Variants in WDR35 observed in about 807,000 individuals in gnomAD.
The protein encoded by WDR35 is WD repeat domain 35.
A neutral mutation model predicts 158.3 loss-of-function variants in WDR35; 118 were observed. The observed-to-expected ratio is 0.75, with a 90% confidence interval of 0.64 to 0.87. The LOEUF (loss-of-function observed/expected upper bound fraction) is 0.87, where lower values mean the gene tolerates loss of function less well. WDR35 is among the 40% of genes least tolerant of loss of function. WDR35 has a pLI of 0.00. For synonymous variants in WDR35, 448 were observed against 476.1 expected, an observed-to-expected ratio of 0.94 and a Z score of 0.77; for missense variants, 1,263 against 1,405.8, an observed-to-expected ratio of 0.90 and a Z score of 1.62.
At chr2:19,933,139 C>T (rs565096503) in intron 22 of WDR35, among the ~76,000 whole-genome samples, 1 of 152,246 alleles carries the variant, frequency 6.6e-6, no homozygotes, top group Admixed American at 6.5e-5. Context: ...AGACTAAAAG[C>T]ACAAGGTTTG....
At chr2:19,954,825 T>C (rs1671371374) in intron 11 of WDR35, among the ~76,000 whole-genome samples, 1 of 152,148 alleles carries the variant, frequency 6.6e-6, no homozygotes, top group Non-Finnish European at 1.5e-5. Context: ...AATAAAAACA[T>C]GTCCACACAA....
rs1669799901 is a variant in WDR35, at chr2:19,910,595, G to A, written c.*2963C>T. On this transcript the variant is annotated 3_prime_UTR_variant, in exon 27 of 27. Transcript: ENST00000281405. Reference sequence around the variant, plus strand: ...GGAAGTCAGTACATGTTTTTTGCAAGGAGAACAACATAACTGTTTAATGAT... The same window carrying A: ...GGAAGTCAGTACATGTTTTTTGCAAAGAGAACAACATAACTGTTTAATGAT... The A allele has an allele frequency of 6.6e-6, 1 of 152,138 alleles. No homozygotes were observed. The highest frequency in any genetic ancestry group is 2.4e-5 in the African/African-American group (1 of 41,430). The allele number at this position is 152,138 out of a possible 1,614,324, so 9.4% of individuals were successfully genotyped here.
chr2:19,913,985 A>C, intron 26 of WDR35, 52 bp downstream of exon 26: 1 of 1,610,374 alleles, frequency 6.2e-7, no homozygotes, highest in Non-Finnish European at 8.5e-7. Context: ...ACATCTAGAA[A>C]TCCAAGCTTC....
intron 11 of WDR35, among the ~76,000 whole-genome samples, chr2:19,957,031 T>C (rs1173594039): frequency 6.6e-6 from 1 of 152,222 alleles, no homozygotes; most frequent in African/African-American, 2.4e-5. Context: ...GGCGTTATTG[T>C]CCTCATTTAG....
Position 19,962,392 on chromosome 2 carries a change from G to A in WDR35, c.1195-1778C>T, listed in dbSNP as rs1228227936. On this transcript the variant is annotated intron_variant, in intron 10 of 26. Transcript: ENST00000281405. Reference sequence around the variant, plus strand: ...AATTCAGTTAACTCAAAAAAGACATGACTCAACCTAATGAAAGTGGCTTAT... The same window carrying A: ...AATTCAGTTAACTCAAAAAAGACATAACTCAACCTAATGAAAGTGGCTTAT... 9 of 1,541,198 alleles carry A rather than the reference G, an allele frequency of 5.8e-6. No individual in the cohort carries two copies. The South Asian group carries it at 1.0e-4, about 17-fold the overall frequency.
At position 19,933,526 on chromosome 2, in the gene WDR35, C is replaced by T; in HGVS notation, c.2548-15G>A. ...TGTGCTATTTCCTGTACAAACAAAA[C>T]AATACTATCAGATTTCACAGACCAA... On this transcript the variant is annotated splice_polypyrimidine_tract_variant and intron_variant, in intron 21 of 26. Transcript: ENST00000281405. 1 of 1,598,528 alleles carries T rather than the reference C, an allele frequency of 6.3e-7. No individual in the cohort carries two copies. The highest frequency in any genetic ancestry group is 1.1e-5 in the South Asian group (1 of 90,826).
intron 10 of WDR35, chr2:19,962,155 T>C: frequency 4.7e-6 from 4 of 847,562 alleles, no homozygotes; most frequent in Non-Finnish European, 7.2e-6. Context: ...AAGTTTCTAT[T>C]TTTATTTTTA....
At chr2:19,946,338 C>T (rs1161362345) in intron 15 of WDR35, 123 bp downstream of exon 15, 5 of 885,024 alleles carry the variant, frequency 5.6e-6, no homozygotes, top group Non-Finnish European at 9.2e-6. Context: ...TAAAACCATA[C>T]TGAATTTTAA....
chr2:19,918,205 C>T (rs928492576), intron 25 of WDR35, among the ~76,000 whole-genome samples: 3 of 151,482 alleles, frequency 2.0e-5, no homozygotes, highest in African/African-American at 7.4e-5. Flanking sequence ...GATATTTTGT[C>T]ACCATCAGGC....
intron 25 of WDR35, among the ~76,000 whole-genome samples, chr2:19,927,842 T>G (rs1236624704): frequency 6.6e-6 from 1 of 152,196 alleles, no homozygotes; most frequent in Admixed American, 6.5e-5. Flanking sequence ...TAAAAACACT[T>G]GGAAGCCCTG....
At chr2:19,918,309 C>T (rs945028514) in intron 25 of WDR35, among the ~76,000 whole-genome samples, 3 of 152,158 alleles carry the variant, frequency 2.0e-5, no homozygotes, top group Non-Finnish European at 2.9e-5. Flanking sequence ...TAAAGAGCAT[C>T]GAAGCTATGA....
At chr2:19,975,400 A>G in intron 6 of WDR35, 130 bp downstream of exon 6, 1 of 1,195,152 alleles carries the variant, frequency 8.4e-7, no homozygotes, top group East Asian at 2.8e-5. Context: ...GGGAAAAAGA[A>G]AAAAAATCTG....
chr2:19,968,659 T>C lies in WDR35; in HGVS notation c.1008+821A>G, dbSNP rs150090041. ...GACTATAAACTGTTCCAGGCTTACC[T>C]TGTATTTTCCCTGCCCTAGTCCTAG... On this transcript the variant is annotated intron_variant, in intron 9 of 26. Transcript: ENST00000281405. Among the ~76,000 whole-genome samples, 199 of 152,316 alleles carry C rather than the reference T, an allele frequency of 1.3e-3. 2 individuals are homozygous for C. In the Middle Eastern group the frequency reaches 0.014, roughly 10 times the overall value.
At chr2:19,982,758 C>T (rs1672424885) in intron 2 of WDR35, among the ~76,000 whole-genome samples, 2 of 152,138 alleles carry the variant, frequency 1.3e-5, no homozygotes, top group African/African-American at 4.8e-5. Flanking sequence ...TTTACTCATA[C>T]ATTACATATA....
At chr2:19,973,763 C>T in intron 7 of WDR35, 55 bp from the exon 8 acceptor site, 2 of 1,565,196 alleles carry the variant, frequency 1.3e-6, no homozygotes, top group Admixed American at 1.9e-5. Context: ...GCCTAGAGAA[C>T]TTTATAATCT....
In WDR35 at chr2:19,976,404, A is replaced by G. The variant is rs541959676; in HGVS notation, c.437-741T>C. 5.2e-4 allele frequency among the ~76,000 whole-genome samples: 79 copies of G among 151,992 alleles called. No individual in the cohort carries two copies. In the South Asian group the frequency reaches 0.015, roughly 29 times the overall value. On this transcript the variant is annotated intron_variant, in intron 5 of 26. Coordinates refer to ENST00000281405, the MANE Select transcript of WDR35 (RefSeq NM_020779.4). ...CTCCCAATCTGGCTTCTGCCCCACA[A>G]CTCCATTGAAACTGCCTACAACATA...
In WDR35 at chr2:19,932,413, C is replaced by T. The variant is rs757094028; in HGVS notation, c.2693G>A (p.Ser898Asn). 7 of 1,613,240 alleles carry T rather than the reference C, an allele frequency of 4.3e-6. No individual in the cohort carries two copies. Among genetic ancestry groups the T allele is most frequent in the Admixed American group, 1.7e-5 (1 of 59,996 alleles). ...TAACAGAGATCCAATTTCTTTCATA[C>T]TATGATTTTTAGCCAATTCAACAGC... ...NKAVELAKNH[S>N]MKEIGSLLAR... Residue 898 changes from serine to asparagine, a missense_variant, in exon 23 of 27, where the codon AGT becomes AAT. By Grantham distance (46) the Ser-to-Asn change is conservative. Transcript: ENST00000281405.
chr2:19,917,456 G>A (rs1373327145), intron 25 of WDR35, among the ~76,000 whole-genome samples: 1 of 152,206 alleles, frequency 6.6e-6, no homozygotes, highest in Non-Finnish European at 1.5e-5. Flanking sequence ...CAAGGTAAAG[G>A]AGCATGTTCT....
At chr2:19,974,698 C>CTA in intron 6 of WDR35, 65 bp from the exon 7 acceptor site, 1 of 1,447,780 alleles carries the variant, frequency 6.9e-7, no homozygotes, top group Non-Finnish European at 9.5e-7. Context: ...AGACAATACT[C>CTA]AATAGAGTAT....
Sources: gnomAD v4.1 joint callset for allele counts (sites outside exome capture counted in the v4.1 genomes callset) on GRCh38, gnomAD v4.1.1 for gene constraint, MANE v1.5 for transcripts, NCBI Gene and HGNC (gene_info 2026-07-23, HGNC 2026-07-21) for gene names.